HOOK3: variants seen among roughly 807,000 people sequenced by gnomAD.
HOOK3 encodes hook microtubule tethering protein 3.
A neutral mutation model predicts 116.3 loss-of-function variants in HOOK3; 24 were observed. The ratio of observed to expected loss-of-function variants is 0.21; its 90% CI spans 0.15 to 0.29. The LOEUF (loss-of-function observed/expected upper bound fraction) is 0.29. Among genes scored for constraint, HOOK3 ranks in the 10% least tolerant of loss-of-function variants. HOOK3 has a pLI of 1.00. For synonymous variants in HOOK3, 275 were observed against 283.0 expected (o/e 0.97, Z 0.28); for missense variants, 632 against 830.2 (o/e 0.76, Z 2.93).
Position 42,982,709 on chromosome 8 carries a change from T to C in HOOK3, c.1391+13T>C, listed in dbSNP as rs765310570. 1 of 1,578,714 alleles carries C rather than the reference T, an allele frequency of 6.3e-7. No individual in the cohort carries two copies. Among genetic ancestry groups the C allele is most frequent in the African/African-American group, 1.3e-5 (1 of 74,314 alleles). ...CACCTGAAATCAGGTAAGGAGATTG[T>C]GGTGTTCACACTTACACTGCACAGT... On this transcript the variant is annotated intron_variant, in intron 14 of 21. Transcript: ENST00000307602.
At chr8:42,923,058 A>G (rs1210955778) in intron 2 of HOOK3, among the ~76,000 whole-genome samples, 1 of 152,220 alleles carries the variant, frequency 6.6e-6, no homozygotes, top group Admixed American at 6.5e-5. Flanking sequence ...TAATTTGAAT[A>G]GGCTTTTTTC....
rs879677729 is a variant in HOOK3, at chr8:43,025,701, G to A, written c.*7203G>A. 4.7e-6 allele frequency: 1 copy of A among 214,550 alleles called. No individual in the cohort carries two copies. Among genetic ancestry groups the A allele is most frequent in the African/African-American group, 2.3e-5 (1 of 44,268 alleles). The allele number at this position is 214,550 out of a possible 1,614,324, so 13.3% of individuals were successfully genotyped here. On this transcript the variant is annotated 3_prime_UTR_variant, in exon 22 of 22. Transcript: ENST00000307602. ...GATTTTAGGTCGCCAAGGATACTAT[G>A]ATTTGATGAGATGAGAAGAAATCTG...
intron 2 of HOOK3, among the ~76,000 whole-genome samples, chr8:42,921,860 A>G (rs576422576): frequency 6.6e-6 from 1 of 151,814 alleles, no homozygotes; most frequent in South Asian, 2.1e-4. Context: ...AGATGGATAG[A>G]AAGAAAGAAA....
At position 43,022,285 on chromosome 8, in the gene HOOK3, A is replaced by T. The variant is rs1474231561; in HGVS notation, c.*3787A>T. Reference sequence around the variant, plus strand: ...CTGGTCTATCTGGAAATTTAAAGTCACTAGGAGCTTTGCCTCATCGTGAGT... The same window carrying T: ...CTGGTCTATCTGGAAATTTAAAGTCTCTAGGAGCTTTGCCTCATCGTGAGT... On this transcript the variant is annotated 3_prime_UTR_variant, in exon 22 of 22. Transcript: ENST00000307602. The T allele has an allele frequency of 4.8e-6, 1 of 207,646 alleles. No individual in the cohort carries two copies. The highest frequency in any genetic ancestry group is 9.8e-6 in the Non-Finnish European group (1 of 101,898). 12.9% of individuals were successfully genotyped at this position (207,646 alleles called of 1,614,324 possible). A position where few individuals can be genotyped will look rare whatever the true frequency, so the allele number is the denominator to read the frequency against.
chr8:42,939,434 C>T (rs569053126), intron 4 of HOOK3, among the ~76,000 whole-genome samples: 14 of 148,950 alleles, frequency 9.4e-5, no homozygotes, highest in East Asian at 6.1e-4. Flanking sequence ...GGCAGCTGGC[C>T]GGGCAGAGGG....
intron 4 of HOOK3, among the ~76,000 whole-genome samples, chr8:42,939,229 T>G (rs1254396230): frequency 2.0e-5 from 3 of 152,184 alleles, no homozygotes; most frequent in African/African-American, 7.2e-5. Context: ...AATGAGCTAT[T>G]GGGTACACCT....
At chr8:42,957,268 T>A in intron 7 of HOOK3, 112 bp downstream of exon 7, 1 of 443,132 alleles carries the variant, frequency 2.3e-6, no homozygotes, top group Non-Finnish European at 3.9e-6. Flanking sequence ...TTTAATTCTT[T>A]ATATTTTACC....
In HOOK3 at chr8:42,983,999, A is replaced by G. The variant is rs187383949; in HGVS notation, c.1391+1303A>G. 4.2e-3 allele frequency among the ~76,000 whole-genome samples: 634 copies of G among 152,306 alleles called. 1 individual carries two copies. The highest frequency in any genetic ancestry group is 7.1e-3 in the Non-Finnish European group (480 of 68,028). ...TTGTGTAAGGGTTTCATACACTGTA[A>G]AAGTTGAAATAAGCATTCAAATATT... On this transcript the variant is annotated intron_variant, in intron 14 of 21. Coordinates refer to ENST00000307602, the MANE Select transcript of HOOK3 (RefSeq NM_032410.4).
chr8:42,932,442 G>A (rs1411975907), intron 4 of HOOK3, among the ~76,000 whole-genome samples: 5 of 152,132 alleles, frequency 3.3e-5, no homozygotes, highest in Non-Finnish European at 5.9e-5. Flanking sequence ...GTGTCATCCT[G>A]AGCCAGGTCT....
At chr8:42,971,724 A>G (rs891932550) in intron 11 of HOOK3, among the ~76,000 whole-genome samples, 3 of 151,708 alleles carry the variant, frequency 2.0e-5, no homozygotes, top group Non-Finnish European at 4.4e-5. Flanking sequence ...TCTGTGGCCC[A>G]GGTTGGAGTG....
chr8:42,901,993 C>A (rs1807199758), intron 1 of HOOK3, among the ~76,000 whole-genome samples: 1 of 152,186 alleles, frequency 6.6e-6, no homozygotes, highest in Non-Finnish European at 1.5e-5. Flanking sequence ...CAGGCGTGAG[C>A]CACCGTGCCA....
chr8:42,993,303 G>A (rs140444979), intron 15 of HOOK3, among the ~76,000 whole-genome samples: 183 of 152,084 alleles, frequency 1.2e-3, no homozygotes, highest in African/African-American at 4.1e-3. Context: ...TTACTCTGTC[G>A]CCCAAGCTGG....
chr8:42,962,652 C>T (rs1808555070), intron 8 of HOOK3, among the ~76,000 whole-genome samples: 1 of 151,694 alleles, frequency 6.6e-6, no homozygotes, highest in South Asian at 2.1e-4. Context: ...TAATCCTCCT[C>T]CCTCAGTCTC....
At chr8:43,006,569 C>G (rs1234952539) in intron 17 of HOOK3, among the ~76,000 whole-genome samples, 4 of 151,908 alleles carry the variant, frequency 2.6e-5, no homozygotes, top group Non-Finnish European at 5.9e-5. Flanking sequence ...GCAGTCTACC[C>G]ACCTTGGCCT....
intron 1 of HOOK3, among the ~76,000 whole-genome samples, chr8:42,905,436 C>T (rs1303472622): frequency 2.6e-5 from 4 of 151,422 alleles, no homozygotes; most frequent in Non-Finnish European, 4.4e-5. Context: ...CATGAGATGA[C>T]GGCTCACAGT....
rs1252820473 is a variant in HOOK3, at chr8:43,023,738, G to A, written c.*5240G>A. 3 of 188,442 alleles carry A rather than the reference G, an allele frequency of 1.6e-5. No individual in the cohort carries two copies. The highest frequency in any genetic ancestry group is 3.4e-5 in the Non-Finnish European group (3 of 89,524). 11.7% of individuals were successfully genotyped at this position (188,442 alleles called of 1,614,324 possible). ...GGCCTCCCAAAGTGCTGGGATTACA[G>A]GCGTGTGTTACTGCCCCAGCCTCCT... is the stretch of plus-strand genomic sequence containing the variant. On this transcript the variant is annotated 3_prime_UTR_variant, in exon 22 of 22. Coordinates refer to ENST00000307602, the MANE Select transcript of HOOK3 (RefSeq NM_032410.4).
At chr8:42,974,430 G>A (rs1003877720) in intron 13 of HOOK3, among the ~76,000 whole-genome samples, 7 of 151,916 alleles carry the variant, frequency 4.6e-5, no homozygotes, top group African/African-American at 1.7e-4. Context: ...GTAGAGATGG[G>A]GTTTCACCAT....
rs1011164995 is a variant in HOOK3 at position 42,911,704 on chromosome 8, A to G, written c.143+5446A>G. ...TGGACTCAAAATGGTATATAAAATC[A>G]GCATATTTTGATGGTTGGTATGTGG... On this transcript the variant is annotated intron_variant, in intron 2 of 21. Transcript: ENST00000307602. Among the ~76,000 whole-genome samples the G allele has an allele frequency of 2.6e-5, 4 of 152,212 alleles. No homozygotes were observed. In the South Asian group the frequency reaches 8.3e-4, roughly 32 times the overall value.
chr8:42,983,472 T>C (rs1368201145), intron 14 of HOOK3, among the ~76,000 whole-genome samples: 1 of 152,136 alleles, frequency 6.6e-6, no homozygotes, highest in African/African-American at 2.4e-5. Context: ...AATCATAGCA[T>C]TTTAAAAATT....
Sources: allele counts gnomAD v4.1 joint callset (sites outside exome capture counted in the v4.1 genomes callset), GRCh38; gene constraint gnomAD v4.1.1; transcripts MANE v1.5; gene names NCBI Gene and HGNC (gene_info 2026-07-23, HGNC 2026-07-21).